Variants in ATP2B2 observed in about 807,000 individuals in gnomAD.
ATP2B2 encodes plasma membrane calcium-transporting ATPase 2.
ATP2B2 carries 15 observed loss-of-function variants against 120.0 expected under a neutral mutation model. That is an observed-to-expected ratio of 0.12 (90% CI 0.08 to 0.19). The LOEUF (loss-of-function observed/expected upper bound fraction) is 0.19. Among genes scored for constraint, ATP2B2 ranks in the 10% least tolerant of loss-of-function variants. The pLI is 1.00. For missense variants in ATP2B2, 1,045 were observed against 1,719.8 expected, an observed-to-expected ratio of 0.61 and a Z score of 6.94; for synonymous variants, 694 against 700.3, an observed-to-expected ratio of 0.99 and a Z score of 0.14.
chr3:10,459,832 G>A (rs914715217), intron 1 of ATP2B2, among the ~76,000 whole-genome samples: 1 of 152,266 alleles, frequency 6.6e-6, no homozygotes, highest in Non-Finnish European at 1.5e-5. Flanking sequence ...TACAGGAGAA[G>A]ACAGACTGAG....
intron 2 of ATP2B2, among the ~76,000 whole-genome samples, chr3:10,592,640 C>T (rs1339495816): frequency 2.0e-5 from 3 of 152,224 alleles, no homozygotes; most frequent in African/African-American, 7.2e-5. Context: ...CATGAAACAC[C>T]CACGGCCACA....
chr3:10,522,465 C>T (rs187636281), intron 3 of ATP2B2, among the ~76,000 whole-genome samples: 70 of 152,338 alleles, frequency 4.6e-4, no homozygotes, highest in African/African-American at 1.4e-3. Context: ...CTCCCTTCTA[C>T]CTCCTGGTCA....
intron 2 of ATP2B2, among the ~76,000 whole-genome samples, chr3:10,614,872 C>T (rs1168064740): frequency 6.6e-6 from 1 of 152,110 alleles, no homozygotes; most frequent in African/African-American, 2.4e-5. Flanking sequence ...TTTCAGTCTC[C>T]CAGAAAAGCT....
chr3:10,631,886 T>C (rs2069874963), intron 1 of ATP2B2, among the ~76,000 whole-genome samples: 1 of 152,244 alleles, frequency 6.6e-6, no homozygotes, highest in Admixed American at 6.5e-5. Flanking sequence ...AAAAGAGGTT[T>C]CAGGAGGGCT....
intron 1 of ATP2B2, among the ~76,000 whole-genome samples, chr3:10,457,614 C>T (rs1200547535): frequency 6.6e-6 from 1 of 151,990 alleles, no homozygotes; most frequent in Non-Finnish European, 1.5e-5. Context: ...CCACACCTGT[C>T]TCTGGGTGTG....
intron 2 of ATP2B2, among the ~76,000 whole-genome samples, chr3:10,605,613 G>A (rs189048324): frequency 2.6e-5 from 4 of 151,624 alleles, no homozygotes; most frequent in African/African-American, 4.8e-5. Context: ...CCAGCATTTC[G>A]AGACTAGCCT....
In ATP2B2 at chr3:10,347,289, C is replaced by T. The variant is rs2060457644; in HGVS notation, c.2405-1152G>A. Among the ~76,000 whole-genome samples the T allele has an allele frequency of 1.3e-5, 2 of 152,196 alleles. No individual in the cohort carries two copies. Among genetic ancestry groups the T allele is most frequent in the African/African-American group, 4.8e-5 (2 of 41,446 alleles). On this transcript the variant is annotated intron_variant, in intron 16 of 22. Coordinates refer to ENST00000360273, the MANE Select transcript of ATP2B2 (RefSeq NM_001001331.4). The surrounding 1 kb of genome is among the most constrained non-coding windows in gnomAD (Gnocchi z 5.2). ...TTCCCTTGGCTGGAGGTACTCCTGTCACCCACCTGTACTGTATTTTTGGCT... is the reference window on the plus strand; with the variant it reads ...TTCCCTTGGCTGGAGGTACTCCTGTTACCCACCTGTACTGTATTTTTGGCT...
intron 2 of ATP2B2, among the ~76,000 whole-genome samples, chr3:10,436,004 C>T (rs559955487): frequency 2.5e-4 from 38 of 152,250 alleles, no homozygotes; most frequent in Non-Finnish European, 3.7e-4. Flanking sequence ...GTCTTGGTGA[C>T]GATCAGTCAA....
At chr3:10,436,607 C>T (rs200959360) in intron 2 of ATP2B2, among the ~76,000 whole-genome samples, 9 of 152,220 alleles carry the variant, frequency 5.9e-5, no homozygotes, top group East Asian at 1.9e-4. Context: ...CTTAGTGAGT[C>T]GTGCCACTGA....
intron 1 of ATP2B2, among the ~76,000 whole-genome samples, chr3:10,644,302 C>T (rs1007783505): frequency 9.9e-5 from 15 of 152,208 alleles, no homozygotes; most frequent in African/African-American, 3.1e-4. Flanking sequence ...AACCCTTGTA[C>T]GTTGTTGGTG....
At chr3:10,400,438 C>T (rs1374376047) in intron 5 of ATP2B2, among the ~76,000 whole-genome samples, 1 of 152,220 alleles carries the variant, frequency 6.6e-6, no homozygotes, top group Non-Finnish European at 1.5e-5. Flanking sequence ...ACACTCAGCA[C>T]ACCTTTGCCC....
chr3:10,410,288 T>G (rs2062563772), intron 3 of ATP2B2, among the ~76,000 whole-genome samples: 1 of 152,180 alleles, frequency 6.6e-6, no homozygotes, highest in South Asian at 2.1e-4. Context: ...TCCTCATCTT[T>G]AAAATGGGCA....
At chr3:10,526,051 C>T (rs1275203443) in intron 3 of ATP2B2, among the ~76,000 whole-genome samples, 1 of 152,212 alleles carries the variant, frequency 6.6e-6, no homozygotes, top group Non-Finnish European at 1.5e-5. Flanking sequence ...GTCCTTAACA[C>T]AGTGCCTGGT....
chr3:10,664,817 C>CT (rs2070884607), intron 1 of ATP2B2, among the ~76,000 whole-genome samples: 1 of 152,120 alleles, frequency 6.6e-6, no homozygotes, highest in Non-Finnish European at 1.5e-5. Context: ...AAACATTGAT[C>CT]TTTTTTTCTA....
chr3:10,673,473 A>G (rs1356853461), intron 1 of ATP2B2, among the ~76,000 whole-genome samples: 2 of 151,878 alleles, frequency 1.3e-5, no homozygotes, highest in East Asian at 3.9e-4. Context: ...GGAAAAAAAC[A>G]GAGAGACAGG....
chr3:10,562,573 C>T (rs1012656520), intron 2 of ATP2B2, among the ~76,000 whole-genome samples: 1 of 152,144 alleles, frequency 6.6e-6, no homozygotes, highest in African/African-American at 2.4e-5. Context: ...TCACCTCCAG[C>T]GCCTTTCAAT....
chr3:10,338,874 T>G (rs77476772), intron 21 of ATP2B2: 2,200 of 184,620 alleles, frequency 0.012, 45 homozygotes, highest in South Asian at 0.042. Flanking sequence ...TGTCCCTTAT[T>G]CCTCCTGAGG....
intron 2 of ATP2B2, among the ~76,000 whole-genome samples, chr3:10,591,712 A>C (rs1000971384): frequency 2.0e-5 from 3 of 152,224 alleles, no homozygotes; most frequent in Admixed American, 6.5e-5. Flanking sequence ...AAGAATTCTA[A>C]CAGCCTCGAT....
chr3:10,436,775 C>T (rs1287532560), intron 2 of ATP2B2, among the ~76,000 whole-genome samples: 4 of 152,174 alleles, frequency 2.6e-5, no homozygotes, highest in African/African-American at 4.8e-5. Context: ...GGAGCGACAT[C>T]GGCACACAGG....
Sources: allele counts gnomAD v4.1 joint callset (sites outside exome capture counted in the v4.1 genomes callset), GRCh38; gene constraint gnomAD v4.1.1; non-coding constraint Gnocchi (gnomAD v3.1); transcripts MANE v1.5; gene names NCBI Gene and HGNC (gene_info 2026-07-23, HGNC 2026-07-21).